Variants in ADCY10 observed in about 807,000 individuals in gnomAD.
The protein encoded by ADCY10 is adenylate cyclase type 10.
ADCY10 carries 156 observed loss-of-function variants against 183.3 expected under a neutral mutation model. That is an observed-to-expected ratio of 0.85 (90% confidence interval 0.75 to 0.97). The LOEUF is 0.97. Among genes scored for constraint, ADCY10 ranks in the 50% least tolerant of loss-of-function variants. ADCY10 has a pLI of 0.00. For missense variants in ADCY10, 1,745 were observed against 1,934.3 expected (o/e 0.90, Z 1.84); for synonymous variants, 645 against 670.0 (o/e 0.96, Z 0.58).
intron 31 of ADCY10, among the ~76,000 whole-genome samples, chr1:167,812,397 T>C (rs558046650): frequency 1.9e-4 from 29 of 152,308 alleles, no homozygotes; most frequent in African/African-American, 6.5e-4. Context: ...TGACTGTGCA[T>C]GCCTAGGGAA....
chr1:167,824,351 G>A, intron 28 of ADCY10, 125 bp downstream of exon 28: 3 of 835,392 alleles, frequency 3.6e-6, no homozygotes, highest in Middle Eastern at 3.4e-4. Flanking sequence ...ACTACTATCA[G>A]TTACATTTTC....
intron 19 of ADCY10, among the ~76,000 whole-genome samples, chr1:167,847,754 A>T (rs1021044036): frequency 2.6e-5 from 4 of 152,134 alleles, no homozygotes; most frequent in African/African-American, 9.7e-5. Context: ...CTCGTTTGTC[A>T]TTTCTTTCTC....
rs531187903 is a variant in ADCY10 at position 167,900,564 on chromosome 1, C to T, written c.437-936G>A. ...CTTTTTTTTTTGAGATGGAGTTTCA[C>T]GCTTGTTGCCCAGGCTGGAGTGCAA... On this transcript the variant is annotated intron_variant, in intron 5 of 32. Transcript: ENST00000367851. Among the ~76,000 whole-genome samples the T allele has an allele frequency of 4.0e-4, 61 of 151,704 alleles. No individual in the cohort carries two copies. In the Middle Eastern group the frequency reaches 0.017, roughly 42 times the overall value.
intron 21 of ADCY10, among the ~76,000 whole-genome samples, chr1:167,839,944 G>A (rs1183633171): frequency 6.6e-6 from 1 of 152,012 alleles, no homozygotes; most frequent in Non-Finnish European, 1.5e-5. Context: ...TGGTGGCCAG[G>A]CACAGTGGCT....
chr1:167,876,126 T>G (rs203830), intron 12 of ADCY10, among the ~76,000 whole-genome samples: 51,446 of 151,234 alleles, frequency 0.34, 9,768 homozygotes, highest in African/African-American at 0.51. Flanking sequence ...GCGTGGTGGC[T>G]TGCGCCTGCC....
chr1:167,889,229 T>C (rs1297204154), intron 8 of ADCY10, among the ~76,000 whole-genome samples: 2 of 152,202 alleles, frequency 1.3e-5, no homozygotes, highest in African/African-American at 4.8e-5. Flanking sequence ...ATGGCTTTTC[T>C]TATGTTGAGG....
intron 3 of ADCY10, 103 bp from the exon 4 acceptor site, chr1:167,902,157 G>T: frequency 1.8e-6 from 2 of 1,142,840 alleles, no homozygotes; most frequent in Non-Finnish European, 2.6e-6. Flanking sequence ...AAAGAACAGT[G>T]ATTCAGAGAA....
At chr1:167,860,848 G>GAAGTATA (rs1341196854) in intron 15 of ADCY10, 23 bp downstream of exon 15, 1 of 1,605,144 alleles carries the variant, frequency 6.2e-7, no homozygotes, top group African/African-American at 1.3e-5. Context: ...TATTTGTGCA[G>GAAGTATA]AAGTATAATA....
At chr1:167,900,233 T>G (rs1314822479) in intron 5 of ADCY10, among the ~76,000 whole-genome samples, 3 of 152,248 alleles carry the variant, frequency 2.0e-5, no homozygotes, top group East Asian at 3.8e-4. Context: ...TTCAAATGAC[T>G]GTAATACAAT....
chr1:167,837,211 TTATGCTCTACTTCCTAAACAATGATA>T lies in ADCY10; in HGVS notation c.3077+12_3077+37del. 6.5e-7 allele frequency: 1 copy of T among 1,526,850 alleles called. No homozygotes were observed. Among genetic ancestry groups the T allele is most frequent in the Non-Finnish European group, 9.1e-7 (1 of 1,100,880 alleles). 94.6% of individuals were successfully genotyped at this position (1,526,850 alleles called of 1,614,324 possible). ...GTGTTCTGAATTTAATGACAATTATTTATGCTCTACTTCCTAAACAATGATATATGCCTCTACCTGCGATTTTCAGG... is the reference window on the plus strand; with the variant it reads ...GTGTTCTGAATTTAATGACAATTATTTATGCCTCTACCTGCGATTTTCAGG... On this transcript the variant is annotated intron_variant, in intron 22 of 32. Transcript: ENST00000367851.
intron 19 of ADCY10, 114 bp downstream of exon 19, chr1:167,848,247 C>T (rs917913088): frequency 1.0e-5 from 8 of 803,134 alleles, no homozygotes; most frequent in Non-Finnish European, 1.4e-5. Context: ...TACGGGGTTT[C>T]ACCATATTGG....
chr1:167,904,082 CTTTTTTTT>C, intron 2 of ADCY10, 91 bp from the exon 3 acceptor site: 6 of 363,256 alleles, frequency 1.7e-5, no homozygotes, highest in South Asian at 2.3e-5. Flanking sequence ...CGGGCCTCAG[CTTTTTTTT>C]TTTTTTTTTT....
chr1:167,810,334 C>T (rs555056897), intron 32 of ADCY10, among the ~76,000 whole-genome samples: 13 of 152,286 alleles, frequency 8.5e-5, no homozygotes, highest in African/African-American at 3.1e-4. Context: ...TGAATGTTGG[C>T]ATCTCCTGAA....
At position 167,829,253 on chromosome 1, in the gene ADCY10, CAA is replaced by C; in HGVS notation, c.3750+12_3750+13del. 6.2e-7 allele frequency: 1 copy of C among 1,613,810 alleles called. No homozygotes were observed. The highest frequency in any genetic ancestry group is 8.5e-7 in the Non-Finnish European group (1 of 1,179,842). On this transcript the variant is annotated intron_variant, in intron 26 of 32. Coordinates refer to ENST00000367851, the MANE Select transcript of ADCY10 (RefSeq NM_018417.6). The stretch of plus-strand genomic sequence containing the variant: ...ATTCAGAAACTTAAAGGAGCAGCTA[CAA>C]AAATCCCCTACCTGGAAACAATTTT...
intron 14 of ADCY10, 133 bp downstream of exon 14, chr1:167,870,124 C>T: frequency 9.9e-7 from 1 of 1,008,246 alleles, no homozygotes. Context: ...ATCTATTTAG[C>T]ACAAGGGTCA....
Position 167,845,643 on chromosome 1 carries a change from T to C in ADCY10, c.2927A>G (p.His976Arg). Residue 976 changes from histidine to arginine, a missense_variant, in exon 21 of 33, where the codon CAT (histidine) becomes CGT (arginine). By Grantham distance (29) the His-to-Arg change is conservative. Transcript: ENST00000367851. ...GAGCCGAATATTCACTGTGAAGTGA[T>C]GATAGGGAATGAAGTCCCTGCCTCG... is the stretch of plus-strand genomic sequence containing the variant. ...HCRGRDFIPY[H>R]HFTVNIRLNA... 4 of 1,614,258 alleles carry C rather than the reference T, an allele frequency of 2.5e-6. No homozygotes were observed. The highest frequency in any genetic ancestry group is 3.4e-6 in the Non-Finnish European group (4 of 1,180,036).
intron 18 of ADCY10, among the ~76,000 whole-genome samples, chr1:167,848,793 C>A (rs750525317): frequency 6.6e-6 from 1 of 151,958 alleles, no homozygotes; most frequent in Non-Finnish European, 1.5e-5. Context: ...GGATTACAGC[C>A]GCCCACTACC....
chr1:167,858,853 G>T (rs1348407962), intron 16 of ADCY10, among the ~76,000 whole-genome samples: 1 of 152,230 alleles, frequency 6.6e-6, no homozygotes, highest in African/African-American at 2.4e-5. Flanking sequence ...GAAGCAGAGA[G>T]GTGTGAAGCA....
intron 5 of ADCY10, 52 bp downstream of exon 5, chr1:167,901,610 G>C: frequency 6.3e-7 from 1 of 1,577,162 alleles, no homozygotes. Flanking sequence ...TGCCCCAGGA[G>C]TCAAGACCCT....
Sources: allele counts gnomAD v4.1 joint callset (sites outside exome capture counted in the v4.1 genomes callset), GRCh38; gene constraint gnomAD v4.1.1; transcripts MANE v1.5; gene names NCBI Gene and HGNC (gene_info 2026-07-23, HGNC 2026-07-21).